The following PISD variants were observed in gnomAD, a reference collection of about 807,000 sequenced individuals.
The protein encoded by PISD is phosphatidylserine decarboxylase, also known as phosphatidylserine decarboxylase proenzyme, mitochondrial.
Under a neutral mutation model 43.5 loss-of-function variants are expected in PISD, and 31 were observed. The ratio of observed to expected loss-of-function variants is 0.71; its 90% confidence interval spans 0.54 to 0.96. PISD has a LOEUF of 0.96. Among genes scored for constraint, PISD ranks in the 40% least tolerant of loss-of-function variants. The pLI is 0.00. For synonymous variants in PISD, 259 were observed against 228.7 expected (o/e 1.13, Z -1.20); for missense variants, 523 against 548.4 (o/e 0.95, Z 0.46).
chr22:31,624,028 AT>A (rs1344419340), intron 3 of PISD, among the ~76,000 whole-genome samples: 1 of 152,184 alleles, frequency 6.6e-6, no homozygotes, highest in Non-Finnish European at 1.5e-5. Flanking sequence ...TCCCAACCCC[AT>A]TCTGATTCAG....
intron 1 of PISD, among the ~76,000 whole-genome samples, chr22:31,655,227 T>C (rs1190991842): frequency 6.6e-6 from 1 of 151,924 alleles, no homozygotes; most frequent in Non-Finnish European, 1.5e-5. Context: ...ATGCTGGAGT[T>C]TATCTGTTAC....
chr22:31,630,627 C>T lies in PISD; in HGVS notation c.322-8742G>A. The stretch of plus-strand genomic sequence containing the variant: ...CCCACGACTCGCTCAACCTTGTCCG[C>T]GGGGCTCCTCAGGCCGGGGCCGCGT... On this transcript the variant is annotated intron_variant, in intron 3 of 7. Coordinates refer to ENST00000439502, the MANE Select transcript of PISD (RefSeq NM_001326411.2). This position sits in a 1 kb window ranked among gnomAD's most constrained non-coding sequence, Gnocchi z 4.4. 2.9e-6 allele frequency: 2 copies of T among 697,136 alleles called. No homozygotes were observed. Among genetic ancestry groups the T allele is most frequent in the Non-Finnish European group, 3.5e-6 (2 of 566,328 alleles). The allele number at this position is 697,136 out of a possible 1,614,324, so 43.2% of individuals were successfully genotyped here. A position where few individuals can be genotyped will look rare whatever the true frequency, so the allele number is the denominator to read the frequency against.
chr22:31,646,968 TATCTCTTAGGGTAACTCCC>T (rs1413799335), intron 3 of PISD, among the ~76,000 whole-genome samples: 3 of 151,966 alleles, frequency 2.0e-5, no homozygotes, highest in Admixed American at 2.0e-4. Flanking sequence ...AGCAGACAGG[TATCTCTTAGGGTAACTCCC>T]ATAGCTGGAT....
chr22:31,621,539 A>G, intron 4 of PISD, 67 bp from the exon 5 acceptor site: 2 of 1,602,416 alleles, frequency 1.2e-6, no homozygotes, highest in Non-Finnish European at 1.7e-6. Flanking sequence ...GACAGCCCCC[A>G]CCTCCCCTTG....
At chr22:31,628,882 C>T (rs865926717) in intron 3 of PISD, 1 of 985,362 alleles carries the variant, frequency 1.0e-6, no homozygotes, top group African/African-American at 1.7e-5. Flanking sequence ...ACCTCACACT[C>T]CGGTGGGGGC....
chr22:31,629,013 G>A (rs1203359616), intron 3 of PISD: 9 of 985,296 alleles, frequency 9.1e-6, no homozygotes, highest in Admixed American at 6.1e-5. Flanking sequence ...TGATAGGACC[G>A]TATAGGGGGT....
chr22:31,652,506 T>C (rs376214867), intron 1 of PISD, among the ~76,000 whole-genome samples: 1 of 151,926 alleles, frequency 6.6e-6, no homozygotes. Context: ...TAAAATTTCC[T>C]TGCCTTACAA....
rs1284375440 is a variant in PISD at position 31,619,791 on chromosome 22, C to A, written c.1051G>T (p.Asp351Tyr). The change falls in exon 8 of 8, where the codon GAC becomes TAC. Residue 351 changes from aspartate (D) to tyrosine (Y), a missense_variant. By Grantham distance (160) the Asp-to-Tyr change is radical (BLOSUM62 -3). Transcript: ENST00000439502. ...TTGGTGTGCGTCACGAAGCTGAAGT[C>A]ATTGTAGGAGCCCTTGCTGTGCCTT... The part of the protein sequence containing the change: ...SPRHSKGSYN[D>Y]FSFVTHTNRE... 6.2e-7 allele frequency: 1 copy of A among 1,614,182 alleles called. No individual in the cohort carries two copies. Among genetic ancestry groups the A allele is most frequent in the Non-Finnish European group, 8.5e-7 (1 of 1,180,020 alleles).
At chr22:31,656,336 ACT>A (rs1364181875) in intron 1 of PISD, among the ~76,000 whole-genome samples, 3 of 150,680 alleles carry the variant, frequency 2.0e-5, no homozygotes, top group South Asian at 2.1e-4. Flanking sequence ...ACAGAGCGAG[ACT>A]CTGTCTGAAA....
At position 31,621,900 on chromosome 22, in the gene PISD, G is replaced by C; in HGVS notation, c.322-15C>G. 1 of 1,588,982 alleles carries C rather than the reference G, an allele frequency of 6.3e-7. No homozygotes were observed. Among genetic ancestry groups the C allele is most frequent in the Non-Finnish European group, 8.6e-7 (1 of 1,166,298 alleles). The stretch of plus-strand genomic sequence containing the variant: ...TACAAAGCCACCTGCAGGCCACAGG[G>C]CAAGGGGCTGAGTTGACCACACTGC... On this transcript the variant is annotated splice_polypyrimidine_tract_variant and intron_variant, in intron 3 of 7. Transcript: ENST00000439502.
intron 3 of PISD, 123 bp from the exon 4 acceptor site, chr22:31,622,008 G>A (rs2072611475): frequency 1.4e-6 from 1 of 723,964 alleles, no homozygotes; most frequent in East Asian, 2.6e-5. Context: ...GGACACCAGG[G>A]CCCAGGTGCC....
intron 1 of PISD, among the ~76,000 whole-genome samples, chr22:31,656,744 C>T (rs1004375594): frequency 3.3e-5 from 5 of 152,110 alleles, no homozygotes; most frequent in Non-Finnish European, 2.9e-5. Flanking sequence ...GCTACTTTCC[C>T]TCTCTTCCTC....
chr22:31,652,972 G>A (rs938334301), intron 1 of PISD, among the ~76,000 whole-genome samples: 3 of 149,028 alleles, frequency 2.0e-5, no homozygotes, highest in African/African-American at 7.4e-5. Context: ...CCAGGAGGCA[G>A]AGGTTACAGT....
upstream of PISD, chr22:31,662,382 T>C: frequency 3.1e-6 from 2 of 641,574 alleles, no homozygotes; most frequent in Non-Finnish European, 5.6e-6. Flanking sequence ...CCTGCGGAGG[T>C]AGGGGAACTA....
intron 3 of PISD, among the ~76,000 whole-genome samples, chr22:31,644,032 G>A (rs945541924): frequency 7.3e-5 from 11 of 151,108 alleles, no homozygotes; most frequent in Non-Finnish European, 1.5e-5. Flanking sequence ...TGGGTGACAG[G>A]GCGAGTCTCC....
rs769410256 is a variant in PISD at position 31,662,132 on chromosome 22, G to A, written c.65+12C>T. The A allele has an allele frequency of 6.2e-7, 1 of 1,606,960 alleles. No individual in the cohort carries two copies. Among genetic ancestry groups the A allele is most frequent in the Non-Finnish European group, 8.5e-7 (1 of 1,178,946 alleles). On this transcript the variant is annotated intron_variant, in intron 1 of 7. Coordinates refer to ENST00000439502, the MANE Select transcript of PISD (RefSeq NM_001326411.2). ...CCCCACGCCCCAAGGTAGTCTCTCC[G>A]CGCTGCTATACCTGCTCCGCCACGG...
rs1262004755 is a variant in PISD, at chr22:31,621,000, G to A, written c.840C>T (p.Phe280=). Residue 280 remains phenylalanine, a synonymous_variant, in exon 6 of 8, where the codon TTC becomes TTT. Transcript: ENST00000439502. ...CCACGCTGGCCCCGGGCTGACCTGGGAAGTGGCGCCGGTGGGACACAGTCC... is the reference window on the plus strand; with the variant it reads ...CCACGCTGGCCCCGGGCTGACCTGGAAAGTGGCGCCGGTGGGACACAGTCC... ...TDWTVSHRRH[F]PGSLMSVNPG... The A allele has an allele frequency of 6.2e-7, 1 of 1,612,418 alleles. No individual in the cohort carries two copies. The highest frequency in any genetic ancestry group is 8.5e-7 in the Non-Finnish European group (1 of 1,179,296).
chr22:31,651,514 C>T (rs190059039), intron 1 of PISD, among the ~76,000 whole-genome samples: 2 of 151,958 alleles, frequency 1.3e-5, no homozygotes, highest in Admixed American at 6.6e-5. Flanking sequence ...TTTGGGAGGC[C>T]GAGGCGGGCA....
intron 1 of PISD, among the ~76,000 whole-genome samples, chr22:31,661,836 G>A (rs2074326994): frequency 6.6e-6 from 1 of 152,140 alleles, no homozygotes; most frequent in Non-Finnish European, 1.5e-5. Context: ...AATGGCATCT[G>A]AACATCTGAA....
Sources: allele counts gnomAD v4.1 joint callset (sites outside exome capture counted in the v4.1 genomes callset), GRCh38; gene constraint gnomAD v4.1.1; non-coding constraint Gnocchi (gnomAD v3.1); transcripts MANE v1.5; gene names NCBI Gene and HGNC (gene_info 2026-07-23, HGNC 2026-07-21).